The following PIK3AP1 variants were observed in gnomAD, a reference collection of about 807,000 sequenced individuals.
PIK3AP1 encodes the protein phosphoinositide-3-kinase adaptor protein 1.
PIK3AP1 carries 21 observed loss-of-function variants against 88.1 expected under a neutral mutation model. That is an observed-to-expected ratio of 0.24 (90% CI 0.17 to 0.34). The LOEUF is 0.34. Ranked by LOEUF, PIK3AP1 falls within the 10% of genes least tolerant of loss-of-function variation. The probability of loss-of-function intolerance (pLI) is 1.00; values close to 1 mark genes in which losing one functional copy is unlikely to be tolerated. For missense variants in PIK3AP1, 828 were observed against 1,035.7 expected, an observed-to-expected ratio of 0.80 and a Z score of 2.75; for synonymous variants, 398 against 400.0, an observed-to-expected ratio of 1.00 and a Z score of 0.06.
chr10:96,686,515 G>C (rs1215266450), intron 2 of PIK3AP1, among the ~76,000 whole-genome samples: 2 of 152,166 alleles, frequency 1.3e-5, no homozygotes, highest in East Asian at 3.9e-4. Context: ...TGAGTTGGAT[G>C]GGCTTAGGCA....
rs573470113 is a variant in PIK3AP1 at position 96,610,684 on chromosome 10, T to C, written c.2015-817A>G. Among the ~76,000 whole-genome samples the C allele has an allele frequency of 2.6e-5, 4 of 152,358 alleles. No homozygotes were observed. In the South Asian group the frequency reaches 6.2e-4, roughly 24 times the overall value. On this transcript the variant is annotated intron_variant, in intron 13 of 16. Coordinates refer to ENST00000339364, the MANE Select transcript of PIK3AP1 (RefSeq NM_152309.3). ...CTGATGCCTTTGTCGAGCAAAGCAC[T>C]GACCTGACCTCCTTACTGGCTTAAC...
Position 96,708,737 on chromosome 10 carries a change from G to A in PIK3AP1, c.430+830C>T, listed in dbSNP as rs141897496. On this transcript the variant is annotated intron_variant, in intron 2 of 16. Coordinates refer to ENST00000339364, the MANE Select transcript of PIK3AP1 (RefSeq NM_152309.3). ...GTCACTAACCCCGGCAGAAAGGATC[G>A]GAATTTTCCTACTCTAAAAGGAGAA... 3.5e-3 allele frequency among the ~76,000 whole-genome samples: 535 copies of A among 152,116 alleles called. 2 individuals carry two copies. The highest frequency in any genetic ancestry group is 0.01 in the Middle Eastern group (3 of 294).
At chr10:96,629,714 C>CAAA (rs33921990) in intron 8 of PIK3AP1, among the ~76,000 whole-genome samples, 1,849 of 71,658 alleles carry the variant, frequency 0.026, 184 homozygotes, top group African/African-American at 0.063. Context: ...CCCATCTCTA[C>CAAA]AAAAAAAAAA....
At chr10:96,617,815 A>C (rs530477791) in intron 12 of PIK3AP1, among the ~76,000 whole-genome samples, 3 of 152,274 alleles carry the variant, frequency 2.0e-5, no homozygotes, top group Non-Finnish European at 4.4e-5. Flanking sequence ...TTGGGAAAGG[A>C]AAGCGGCCTT....
intron 11 of PIK3AP1, chr10:96,620,871 A>G (rs926548774): frequency 1.9e-5 from 5 of 265,832 alleles, no homozygotes; most frequent in Non-Finnish European, 2.2e-5. Context: ...TGGTAAGAAA[A>G]CCGTACGTTG....
At chr10:96,700,921 C>A (rs1267010686) in intron 2 of PIK3AP1, 24 of 976,810 alleles carry the variant, frequency 2.5e-5, no homozygotes, top group African/African-American at 1.1e-4. Flanking sequence ...AGGCTCTGAG[C>A]CCCTTGGGAC....
intron 8 of PIK3AP1, among the ~76,000 whole-genome samples, chr10:96,641,220 C>A (rs1304446477): frequency 6.6e-6 from 1 of 152,076 alleles, no homozygotes; most frequent in Non-Finnish European, 1.5e-5. Flanking sequence ...ACACCTCTCT[C>A]CAGCCCCATT....
At chr10:96,651,121 G>GATAGGTTATAGAGA in intron 6 of PIK3AP1, 127 bp downstream of exon 6, 1 of 1,242,456 alleles carries the variant, frequency 8.0e-7, no homozygotes, top group Non-Finnish European at 1.1e-6. Context: ...CTTATCACAG[G>GATAGGTTATAGAGA]ATAGGTTATA....
intron 3 of PIK3AP1, among the ~76,000 whole-genome samples, chr10:96,655,997 G>A (rs11188876): frequency 0.24 from 36,571 of 152,086 alleles, 4,790 homozygotes; most frequent in Middle Eastern, 0.35. Flanking sequence ...AATGCCTCAC[G>A]GCCTCAGCCT....
chr10:96,668,467 G>A (rs1430541271), intron 2 of PIK3AP1, among the ~76,000 whole-genome samples: 1 of 152,210 alleles, frequency 6.6e-6, no homozygotes, highest in Non-Finnish European at 1.5e-5. Context: ...AAGGCCTGTA[G>A]CATAAACATG....
intron 1 of PIK3AP1, among the ~76,000 whole-genome samples, chr10:96,715,117 C>T (rs1844485585): frequency 6.6e-6 from 1 of 152,128 alleles, no homozygotes; most frequent in African/African-American, 2.4e-5. Flanking sequence ...AGAGTGTGTG[C>T]CCTGAATACC....
intron 14 of PIK3AP1, among the ~76,000 whole-genome samples, chr10:96,607,554 A>G (rs905978788): frequency 4.1e-4 from 62 of 151,666 alleles, no homozygotes; most frequent in Non-Finnish European, 8.7e-4. Flanking sequence ...GCCCCCTGCC[A>G]CACTCTAGCT....
intron 11 of PIK3AP1, among the ~76,000 whole-genome samples, chr10:96,622,464 T>C (rs1483613149): frequency 1.3e-5 from 2 of 152,082 alleles, no homozygotes; most frequent in Non-Finnish European, 2.9e-5. Flanking sequence ...GGACATAACA[T>C]GAAGAAAAAA....
intron 3 of PIK3AP1, among the ~76,000 whole-genome samples, chr10:96,653,779 C>T (rs759193557): frequency 3.3e-5 from 5 of 152,250 alleles, no homozygotes; most frequent in African/African-American, 7.2e-5. Flanking sequence ...TGAACCACCG[C>T]GCCTGGCCAT....
At chr10:96,689,443 G>A (rs933842056) in intron 2 of PIK3AP1, among the ~76,000 whole-genome samples, 4 of 151,216 alleles carry the variant, frequency 2.6e-5, no homozygotes, top group East Asian at 3.9e-4. Flanking sequence ...GGTGGCGGGC[G>A]CCTGTAGTCC....
At position 96,656,279 on chromosome 10, in the gene PIK3AP1, A is replaced by G. The variant is rs986902243; in HGVS notation, c.567+519T>C. On this transcript the variant is annotated intron_variant, in intron 3 of 16. Coordinates refer to ENST00000339364, the MANE Select transcript of PIK3AP1 (RefSeq NM_152309.3). ...TCAAGTCATCTGTAATGTATGCCCC[A>G]CCCCTGAAAATGCTAGTCATATGAT... is the stretch of plus-strand genomic sequence containing the variant. Among the ~76,000 whole-genome samples the G allele has an allele frequency of 7.9e-5, 12 of 152,300 alleles. No homozygotes were observed. In the East Asian group the frequency reaches 2.3e-3, roughly 29 times the overall value.
intron 8 of PIK3AP1, among the ~76,000 whole-genome samples, chr10:96,629,925 A>AG (rs1589500135): frequency 8.1e-5 from 6 of 74,520 alleles, no homozygotes; most frequent in Non-Finnish European, 1.4e-4. Context: ...AAAAAAAAAA[A>AG]AAAAAAAGAA....
chr10:96,619,030 G>T (rs1843038959), intron 12 of PIK3AP1, among the ~76,000 whole-genome samples: 1 of 152,230 alleles, frequency 6.6e-6, no homozygotes, highest in Non-Finnish European at 1.5e-5. Context: ...CATAGTGAAG[G>T]GAGCACAGGC....
At chr10:96,703,892 C>A (rs1480231741) in intron 2 of PIK3AP1, among the ~76,000 whole-genome samples, 1 of 152,150 alleles carries the variant, frequency 6.6e-6, no homozygotes, top group Non-Finnish European at 1.5e-5. Flanking sequence ...AGATGAAGAA[C>A]TTGGAAAATA....
Sources: allele counts gnomAD v4.1 joint callset (sites outside exome capture counted in the v4.1 genomes callset), GRCh38; gene constraint gnomAD v4.1.1; transcripts MANE v1.5; gene names NCBI Gene and HGNC (gene_info 2026-07-23, HGNC 2026-07-21).